The following FAM227A variants were observed in gnomAD, a reference collection of about 807,000 sequenced individuals.
FAM227A encodes the protein protein FAM227A.
A neutral mutation model predicts 74.7 loss-of-function variants in FAM227A; 80 were observed. That is an observed-to-expected ratio of 1.07 (90% CI 0.89 to 1.29). The LOEUF (loss-of-function observed/expected upper bound fraction) is 1.29. FAM227A is among the 50% of genes most tolerant of loss of function. FAM227A has a pLI of 0.00. For missense variants in FAM227A, 654 were observed against 683.4 expected, an observed-to-expected ratio of 0.96 and a Z score of 0.48; for synonymous variants, 237 against 241.8, an observed-to-expected ratio of 0.98 and a Z score of 0.19.
At chr22:38,613,246 ATATAT>A (rs2091477416) in intron 11 of FAM227A, among the ~76,000 whole-genome samples, 1 of 81,168 alleles carries the variant, frequency 1.2e-5, no homozygotes, top group Non-Finnish European at 2.2e-5. Context: ...ATAATATATA[ATATAT>A]AACATATATT....
chr22:38,605,133 G>T, intron 13 of FAM227A, 121 bp downstream of exon 13: 1 of 614,074 alleles, frequency 1.6e-6, no homozygotes. Flanking sequence ...GTTTGCATAA[G>T]GTTTGGCATA....
Position 38,591,482 on chromosome 22 carries a change from T to C in FAM227A, c.1591A>G (p.Ile531Val). ...TCCTCATTGACGGCTGAAGGTGGGA[T>C]GAACATGTGGTTTGCCTTTTTTGTA... ...ADTKKANHMF[I>V]PPSAVNEESP... Residue 531 changes from isoleucine to valine, a missense_variant, in exon 16 of 17, where the codon ATC (isoleucine) becomes GTC (valine). Coordinates refer to ENST00000535113, the MANE Select transcript of FAM227A (RefSeq NM_001013647.2). 6.4e-7 allele frequency: 1 copy of C among 1,551,256 alleles called. No individual in the cohort carries two copies. Among genetic ancestry groups the C allele is most frequent in the Non-Finnish European group, 8.7e-7 (1 of 1,146,830 alleles).
chr22:38,611,904 T>C (rs1033340629), intron 11 of FAM227A, among the ~76,000 whole-genome samples: 3 of 152,210 alleles, frequency 2.0e-5, no homozygotes. Context: ...TCTTGATAGC[T>C]TTCCACTAAC....
chr22:38,612,732 A>G (rs1038124038), intron 11 of FAM227A, among the ~76,000 whole-genome samples: 1 of 152,040 alleles, frequency 6.6e-6, no homozygotes, highest in African/African-American at 2.4e-5. Context: ...GACTGTTGAC[A>G]GGAGCAACTG....
chr22:38,601,069 A>G (rs1255319240), intron 13 of FAM227A, among the ~76,000 whole-genome samples: 1 of 152,236 alleles, frequency 6.6e-6, no homozygotes, highest in Non-Finnish European at 1.5e-5. Context: ...ACTATGTATA[A>G]ATACTATTTT....
intron 8 of FAM227A, 98 bp from the exon 9 acceptor site, chr22:38,626,401 TTTG>T (rs956867254): frequency 9.7e-5 from 134 of 1,386,758 alleles, no homozygotes; most frequent in Middle Eastern, 7.7e-4. Flanking sequence ...ATATATAGTT[TTTG>T]TTGTTGTTGT....
intron 14 of FAM227A, among the ~76,000 whole-genome samples, chr22:38,598,466 A>G (rs1022145613): frequency 2.0e-5 from 3 of 152,242 alleles, no homozygotes; most frequent in African/African-American, 7.2e-5. Context: ...CTGTCTTTAG[A>G]GAACAATGAA....
At chr22:38,613,344 T>TATATAATATATAAC (rs1422804313) in intron 11 of FAM227A, among the ~76,000 whole-genome samples, 2 of 58,594 alleles carry the variant, frequency 3.4e-5, no homozygotes, top group Non-Finnish European at 5.8e-5. Context: ...ATATATAACA[T>TATATAATATATAAC]ATATTATATA....
At chr22:38,639,524 AT>A in intron 4 of FAM227A, 130 bp downstream of exon 4, 1 of 919,002 alleles carries the variant, frequency 1.1e-6, no homozygotes, top group Non-Finnish European at 1.7e-6. Context: ...AAGAAGTCAG[AT>A]TTAAGGCTCC....
intron 5 of FAM227A, among the ~76,000 whole-genome samples, chr22:38,638,055 C>T (rs1341735698): frequency 3.9e-5 from 6 of 152,164 alleles, no homozygotes; most frequent in Non-Finnish European, 7.4e-5. Flanking sequence ...ATCCCAGCTA[C>T]TTGGGAGGCT....
At chr22:38,637,037 T>A (rs953334646) in intron 5 of FAM227A, among the ~76,000 whole-genome samples, 3 of 152,128 alleles carry the variant, frequency 2.0e-5, no homozygotes, top group Non-Finnish European at 4.4e-5. Flanking sequence ...CTCAGCCTCC[T>A]AAAGTGCTAT....
chr22:38,634,322 T>C (rs1206122193), intron 6 of FAM227A, among the ~76,000 whole-genome samples: 2 of 151,994 alleles, frequency 1.3e-5, no homozygotes, highest in South Asian at 4.1e-4. Context: ...ACACTCTTTA[T>C]AAACATTCAC....
chr22:38,637,686 G>C (rs2092033810), intron 5 of FAM227A, among the ~76,000 whole-genome samples: 3 of 152,180 alleles, frequency 2.0e-5, no homozygotes, highest in African/African-American at 7.2e-5. Context: ...CACCTTTGCA[G>C]GACACTTAGC....
At position 38,583,501 on chromosome 22, in the gene FAM227A, T is replaced by A. The variant is rs2090745647; in HGVS notation, c.*2624A>T. 1 of 153,498 alleles carries A rather than the reference T, an allele frequency of 6.5e-6. No homozygotes were observed. The highest frequency in any genetic ancestry group is 1.4e-5 in the Non-Finnish European group (1 of 69,064). The allele number at this position is 153,498 out of a possible 1,614,324, so 9.5% of individuals were successfully genotyped here. A position where few individuals can be genotyped will look rare whatever the true frequency, so the allele number is the denominator to read the frequency against. ...AGAAGAGTACACTTTATAACAGCAA[T>A]AACAACAATAACAGCTTGTGGCAAT... On this transcript the variant is annotated 3_prime_UTR_variant, in exon 17 of 17. Coordinates refer to ENST00000535113, the MANE Select transcript of FAM227A (RefSeq NM_001013647.2).
intron 2 of FAM227A, among the ~76,000 whole-genome samples, chr22:38,646,248 C>CTTTTTTTTTTTTTTTT (rs1165890437): frequency 1.2e-5 from 1 of 82,394 alleles, no homozygotes; most frequent in Non-Finnish European, 2.2e-5. Flanking sequence ...TCCAGTATTT[C>CTTTTTTTTTTTTTTTT]TTTTTTTTTT....
chr22:38,591,320 C>T, intron 16 of FAM227A, 115 bp downstream of exon 16: 1 of 1,433,546 alleles, frequency 7.0e-7, no homozygotes. Context: ...GAGACTCTGT[C>T]TCAGTAAAAT....
intron 11 of FAM227A, among the ~76,000 whole-genome samples, chr22:38,614,068 G>A (rs755458038): frequency 1.2e-4 from 19 of 152,144 alleles, no homozygotes; most frequent in Non-Finnish European, 2.2e-4. Flanking sequence ...GTTTCACCAT[G>A]TTGGCCAGGT....
intron 13 of FAM227A, among the ~76,000 whole-genome samples, chr22:38,602,863 T>G (rs2091205420): frequency 6.6e-6 from 1 of 152,048 alleles, no homozygotes; most frequent in South Asian, 2.1e-4. Flanking sequence ...CTTGAAGTTT[T>G]GCTTTTTGTT....
At chr22:38,643,867 G>C (rs1196399101) in intron 3 of FAM227A, among the ~76,000 whole-genome samples, 1 of 152,166 alleles carries the variant, frequency 6.6e-6, no homozygotes. Flanking sequence ...GAGGGAACTG[G>C]CCAGGCGCAG....
Sources: gnomAD v4.1 joint callset for allele counts (sites outside exome capture counted in the v4.1 genomes callset) on GRCh38, gnomAD v4.1.1 for gene constraint, MANE v1.5 for transcripts, NCBI Gene and HGNC (gene_info 2026-07-23, HGNC 2026-07-21) for gene names.